Variants in SIPA1L2 observed in about 807,000 individuals in gnomAD.
SIPA1L2 encodes signal-induced proliferation-associated 1-like protein 2.
SIPA1L2 carries 56 observed loss-of-function variants against 163.9 expected under a neutral mutation model. The observed-to-expected ratio is 0.34, with a 90% CI of 0.28 to 0.43. The LOEUF is 0.43. Among genes scored for constraint, SIPA1L2 ranks in the 20% least tolerant of loss-of-function variants. SIPA1L2 has a pLI of 1.00. For synonymous variants in SIPA1L2, 877 were observed against 865.7 expected, an observed-to-expected ratio of 1.01 and a Z score of -0.23; for missense variants, 1,974 against 2,193.5, an observed-to-expected ratio of 0.90 and a Z score of 2.00.
chr1:232,556,541 A>G (rs980465206), intron 2 of SIPA1L2, among the ~76,000 whole-genome samples: 1 of 152,198 alleles, frequency 6.6e-6, no homozygotes, highest in African/African-American at 2.4e-5. Flanking sequence ...ATGGCACATA[A>G]ACCCCGTTCA....
intron 16 of SIPA1L2, among the ~76,000 whole-genome samples, chr1:232,430,424 A>G (rs567188512): frequency 1.3e-5 from 2 of 152,378 alleles, no homozygotes; most frequent in African/African-American, 2.4e-5. Context: ...GGCTTCCACA[A>G]TATGATTTTG....
chr1:232,496,281 A>T (rs545486931), intron 3 of SIPA1L2, among the ~76,000 whole-genome samples: 1 of 152,246 alleles, frequency 6.6e-6, no homozygotes, highest in Admixed American at 6.5e-5. Context: ...CAGTACAGTA[A>T]CATGCTGTGC....
At chr1:232,478,450 G>A (rs1403509669) in intron 7 of SIPA1L2, among the ~76,000 whole-genome samples, 1 of 152,176 alleles carries the variant, frequency 6.6e-6, no homozygotes, top group Non-Finnish European at 1.5e-5. Flanking sequence ...GGGAGAAGGG[G>A]AGGTAGTTGG....
chr1:232,416,447 G>T lies in SIPA1L2; in HGVS notation c.4631-822C>A, dbSNP rs1661270440. On this transcript the variant is annotated intron_variant, in intron 18 of 22. Coordinates refer to ENST00000674635, the MANE Select transcript of SIPA1L2 (RefSeq NM_020808.5). ...GTAATTTCGCGGTTTTCTTCCAGGG[G>T]GCTTCTTTTGAGTACATCCAGGTCT... Among the ~76,000 whole-genome samples, 4 of 152,120 alleles carry T rather than the reference G, an allele frequency of 2.6e-5. No homozygotes were observed. In the South Asian group the frequency reaches 6.2e-4, roughly 24 times the overall value.
At chr1:232,595,579 C>T (rs756343086) in intron 1 of SIPA1L2, among the ~76,000 whole-genome samples, 6 of 152,104 alleles carry the variant, frequency 3.9e-5, no homozygotes, top group Admixed American at 1.3e-4. Flanking sequence ...TCATTCCACC[C>T]GACTCAAACT....
chr1:232,546,633 A>G (rs1658047010), intron 2 of SIPA1L2, among the ~76,000 whole-genome samples: 1 of 152,214 alleles, frequency 6.6e-6, no homozygotes, highest in Admixed American at 6.5e-5. Flanking sequence ...TGCACTAATG[A>G]ACACAGTTCA....
chr1:232,626,613 G>A (rs1663090902), intron 1 of SIPA1L2, among the ~76,000 whole-genome samples: 1 of 151,956 alleles, frequency 6.6e-6, no homozygotes, highest in Non-Finnish European at 1.5e-5. Context: ...CTTTTAAAAG[G>A]AGTCACAGCT....
chr1:232,530,391 G>C (rs963229024), intron 2 of SIPA1L2, among the ~76,000 whole-genome samples: 4 of 152,130 alleles, frequency 2.6e-5, no homozygotes, highest in Admixed American at 6.5e-5. Flanking sequence ...TGGGATTACA[G>C]GCGTGAGCCA....
chr1:232,520,487 TG>T (rs1667414147), intron 2 of SIPA1L2, among the ~76,000 whole-genome samples: 2 of 152,342 alleles, frequency 1.3e-5, no homozygotes, highest in South Asian at 2.1e-4. Flanking sequence ...TTAAATAAGA[TG>T]TTTTTCGACG....
intron 2 of SIPA1L2, among the ~76,000 whole-genome samples, chr1:232,552,872 A>AG (rs1658479220): frequency 1.3e-5 from 2 of 152,020 alleles, no homozygotes; most frequent in Non-Finnish European, 2.9e-5. Flanking sequence ...CCCCTTATGG[A>AG]GGGGGAGCAT....
At chr1:232,502,704 C>T (rs1487557723) in intron 3 of SIPA1L2, among the ~76,000 whole-genome samples, 1 of 152,206 alleles carries the variant, frequency 6.6e-6, no homozygotes, top group East Asian at 1.9e-4. Context: ...AGCATCACAC[C>T]TGCAGACTCA....
At chr1:232,620,110 C>G (rs1662722979) in intron 1 of SIPA1L2, among the ~76,000 whole-genome samples, 1 of 152,120 alleles carries the variant, frequency 6.6e-6, no homozygotes, top group Non-Finnish European at 1.5e-5. Context: ...GTCTTGAACT[C>G]CTGAACTCAT....
At position 232,439,161 on chromosome 1, in the gene SIPA1L2, G is replaced by A; in HGVS notation, c.3978C>T (p.Gly1326=). 6.2e-7 allele frequency: 1 copy of A among 1,613,286 alleles called. No individual in the cohort carries two copies. The highest frequency in any genetic ancestry group is 8.5e-7 in the Non-Finnish European group (1 of 1,179,848). ...CGCCCATGCTGCCTTCCGCAGCACT[G>A]CCGGCGGAGATGGTGGACGCGTAGC... The part of the protein sequence containing the change: ...VHGYASTISA[G]SAAEGSMGDL... The change falls in exon 15 of 23, where the codon GGC becomes GGT. Residue 1326 remains glycine, a synonymous_variant. Coordinates refer to ENST00000674635, the MANE Select transcript of SIPA1L2 (RefSeq NM_020808.5).
At chr1:232,404,063 C>T in intron 20 of SIPA1L2, 62 bp downstream of exon 20, 2 of 1,581,540 alleles carry the variant, frequency 1.3e-6, no homozygotes, top group East Asian at 2.2e-5. Flanking sequence ...CGTGCAGACA[C>T]ATGAAATATA....
At chr1:232,426,615 G>A (rs757644055) in intron 17 of SIPA1L2, among the ~76,000 whole-genome samples, 7 of 152,188 alleles carry the variant, frequency 4.6e-5, no homozygotes, top group Non-Finnish European at 7.4e-5. Context: ...AGCCGAGATC[G>A]TGCCACTGTA....
intron 18 of SIPA1L2, among the ~76,000 whole-genome samples, chr1:232,423,976 G>C (rs1050530503): frequency 1.3e-5 from 2 of 152,216 alleles, no homozygotes; most frequent in Non-Finnish European, 2.9e-5. Context: ...CCAGGAGCTA[G>C]AGGGGAGGGA....
At chr1:232,509,039 C>T (rs982920756) in intron 3 of SIPA1L2, among the ~76,000 whole-genome samples, 1 of 152,244 alleles carries the variant, frequency 6.6e-6, no homozygotes, top group African/African-American at 2.4e-5. Flanking sequence ...TTGCAGTGAG[C>T]CAAGATTGCG....
At chr1:232,443,146 AGGCTCTGCCT>A (rs1663003283) in intron 12 of SIPA1L2, among the ~76,000 whole-genome samples, 1 of 152,206 alleles carries the variant, frequency 6.6e-6, no homozygotes, top group Non-Finnish European at 1.5e-5. Flanking sequence ...AGAAGTCCTC[AGGCTCTGCCT>A]GAGCTGCTGG....
chr1:232,523,634 C>T (rs1667553904), intron 2 of SIPA1L2, among the ~76,000 whole-genome samples: 1 of 152,040 alleles, frequency 6.6e-6, no homozygotes, highest in Admixed American at 6.5e-5. Flanking sequence ...AGAACATGAG[C>T]ATTTTATAAG....
Sources: gnomAD v4.1 joint callset for allele counts (sites outside exome capture counted in the v4.1 genomes callset) on GRCh38, gnomAD v4.1.1 for gene constraint, MANE v1.5 for transcripts, NCBI Gene and HGNC (gene_info 2026-07-23, HGNC 2026-07-21) for gene names.